The following RAB39A variants were observed in gnomAD, a reference collection of about 807,000 sequenced individuals.
RAB39A encodes ras-related protein Rab-39A.
Under a neutral mutation model 20.9 loss-of-function variants are expected in RAB39A, and 17 were observed. The ratio of observed to expected loss-of-function variants is 0.81; its 90% CI spans 0.56 to 1.22. RAB39A has a LOEUF of 1.22. Ranked by LOEUF, RAB39A falls within the 50% of genes most tolerant of loss-of-function variation. The pLI is 0.00. For synonymous variants in RAB39A, 99 were observed against 103.4 expected (o/e 0.96, Z 0.26); for missense variants, 234 against 270.5 (o/e 0.87, Z 0.95).
chr11:107,961,615 A>G (rs771332997), intron 1 of RAB39A, among the ~76,000 whole-genome samples: 17 of 152,290 alleles, frequency 1.1e-4, no homozygotes, highest in Admixed American at 3.9e-4. Context: ...CAGTCTTTCA[A>G]TATGCTTATT....
At chr11:107,933,902 C>T (rs1017735564) in intron 1 of RAB39A, among the ~76,000 whole-genome samples, 1 of 151,846 alleles carries the variant, frequency 6.6e-6, no homozygotes, top group Non-Finnish European at 1.5e-5. Flanking sequence ...GTGATCCACC[C>T]GCCTCAGCCT....
At chr11:107,936,343 C>A (rs546023095) in intron 1 of RAB39A, among the ~76,000 whole-genome samples, 11 of 152,038 alleles carry the variant, frequency 7.2e-5, no homozygotes, top group African/African-American at 2.2e-4. Context: ...CTCTTCCCCC[C>A]ACCCCATTTT....
chr11:107,946,424 GTGTGTGTGTGTGTATATATATA>G (rs1179569393), intron 1 of RAB39A, among the ~76,000 whole-genome samples: 3 of 19,080 alleles, frequency 1.6e-4, no homozygotes, highest in Admixed American at 2.0e-3. Context: ...GTGTGTGTGT[GTGTGTGTGTGTGTATATATATA>G]TATATATATA....
At chr11:107,957,392 CAG>C (rs903134135) in intron 1 of RAB39A, among the ~76,000 whole-genome samples, 2 of 152,140 alleles carry the variant, frequency 1.3e-5, no homozygotes, top group African/African-American at 2.4e-5. Flanking sequence ...ACTGGGGAAA[CAG>C]AAGCCATCTC....
At chr11:107,929,542 A>G (rs1468313739) in intron 1 of RAB39A, among the ~76,000 whole-genome samples, 3 of 151,904 alleles carry the variant, frequency 2.0e-5, no homozygotes, top group East Asian at 1.9e-4. Flanking sequence ...GAAGTTTGTC[A>G]TGTTTGGTGG....
chr11:107,933,380 T>TTC (rs1861160009), intron 1 of RAB39A, among the ~76,000 whole-genome samples: 1 of 122,646 alleles, frequency 8.2e-6, no homozygotes, highest in Non-Finnish European at 1.7e-5. Context: ...ATTCTTTCTT[T>TTC]TTTTTTTTTT....
chr11:107,938,396 G>A (rs192018555), intron 1 of RAB39A, among the ~76,000 whole-genome samples: 5 of 145,086 alleles, frequency 3.4e-5, no homozygotes, highest in Admixed American at 1.4e-4. Context: ...AGACAGCATC[G>A]TTTCTAACAA....
At chr11:107,941,621 T>C (rs557674731) in intron 1 of RAB39A, among the ~76,000 whole-genome samples, 19 of 152,210 alleles carry the variant, frequency 1.2e-4, no homozygotes, top group South Asian at 8.3e-4. Context: ...TATAAAGTAT[T>C]AGCACTTGTT....
intron 1 of RAB39A, among the ~76,000 whole-genome samples, chr11:107,959,299 G>A (rs573564903): frequency 1.3e-5 from 2 of 152,292 alleles, no homozygotes; most frequent in African/African-American, 4.8e-5. Flanking sequence ...TTGATGCTGA[G>A]TAAATTCAAG....
intron 1 of RAB39A, among the ~76,000 whole-genome samples, chr11:107,946,105 A>G (rs1443648763): frequency 1.3e-5 from 2 of 151,936 alleles, no homozygotes; most frequent in African/African-American, 4.8e-5. Context: ...TTTAGTCTTC[A>G]TGAAAGATTT....
chr11:107,957,284 A>T (rs920007672), intron 1 of RAB39A, among the ~76,000 whole-genome samples: 16 of 152,238 alleles, frequency 1.1e-4, no homozygotes, highest in African/African-American at 3.9e-4. Flanking sequence ...CAGTTGGAAG[A>T]TGACAGCAGT....
At chr11:107,947,119 TG>T (rs1053228252) in intron 1 of RAB39A, among the ~76,000 whole-genome samples, 3 of 151,936 alleles carry the variant, frequency 2.0e-5, no homozygotes, top group African/African-American at 7.3e-5. Flanking sequence ...TTTTTTTTTT[TG>T]AGACAGAGTC....
chr11:107,928,668 C>T lies in RAB39A; in HGVS notation c.100C>T (p.Pro34Ser), dbSNP rs769758729. The T allele has an allele frequency of 1.2e-6, 2 of 1,612,722 alleles. No individual in the cohort carries two copies. Among genetic ancestry groups the T allele is most frequent in the Non-Finnish European group, 1.7e-6 (2 of 1,179,220 alleles). ...GCACCGCTTCACCCAGGGCCGCTTC[C>T]CCGGGCTGCGCTCCCCCGCCTGCGA... is the stretch of plus-strand genomic sequence containing the variant. ...LLHRFTQGRFPGLRSPACDPT... is the reference protein window; with the variant it reads ...LLHRFTQGRFSGLRSPACDPT... Residue 34 changes from proline (P) to serine (S), a missense_variant, in exon 1 of 2, where the codon CCC (proline) becomes TCC (serine). Transcript: ENST00000320578. The surrounding 1 kb of genome is among the most constrained non-coding windows in gnomAD (Gnocchi z 4.9).
chr11:107,949,960 G>A (rs987426762), intron 1 of RAB39A, among the ~76,000 whole-genome samples: 1 of 151,652 alleles, frequency 6.6e-6, no homozygotes, highest in African/African-American at 2.4e-5. Context: ...ATTACAAGGT[G>A]AGGAGATCGA....
chr11:107,959,192 A>C (rs1254397570), intron 1 of RAB39A, among the ~76,000 whole-genome samples: 1 of 152,206 alleles, frequency 6.6e-6, no homozygotes, highest in Non-Finnish European at 1.5e-5. Flanking sequence ...GTAATACATA[A>C]GCATTTCAGC....
chr11:107,941,822 G>A (rs1437219447), intron 1 of RAB39A, among the ~76,000 whole-genome samples: 1 of 152,192 alleles, frequency 6.6e-6, no homozygotes, highest in African/African-American at 2.4e-5. Flanking sequence ...GCCAGTCGCA[G>A]TGGCTCACGC....
chr11:107,931,863 CTTT>C (rs35328521), intron 1 of RAB39A, among the ~76,000 whole-genome samples: 2 of 118,034 alleles, frequency 1.7e-5, no homozygotes. Context: ...TTCTTTCCTT[CTTT>C]TTTTTTTTTT....
At chr11:107,959,303 A>C (rs1861471396) in intron 1 of RAB39A, among the ~76,000 whole-genome samples, 1 of 152,176 alleles carries the variant, frequency 6.6e-6, no homozygotes. Context: ...TGCTGAGTAA[A>C]TTCAAGCTTT....
chr11:107,946,308 C>CTATA (rs369739015), intron 1 of RAB39A, among the ~76,000 whole-genome samples: 6,504 of 94,134 alleles, frequency 0.069, 407 homozygotes, highest in East Asian at 0.22. Flanking sequence ...GAACAGGATA[C>CTATA]TATATATATA....
Sources: gnomAD v4.1 joint callset for allele counts (sites outside exome capture counted in the v4.1 genomes callset) on GRCh38, gnomAD v4.1.1 for gene constraint, Gnocchi (gnomAD v3.1) non-coding constraint, MANE v1.5 for transcripts, NCBI Gene and HGNC (gene_info 2026-07-23, HGNC 2026-07-21) for gene names.